The following NNT variants were observed in gnomAD, a reference collection of about 807,000 sequenced individuals.
NNT encodes the protein NAD(P) transhydrogenase, mitochondrial.
A neutral mutation model predicts 104.8 loss-of-function variants in NNT; 50 were observed. The observed-to-expected ratio is 0.48, with a 90% CI of 0.38 to 0.60. The LOEUF (loss-of-function observed/expected upper bound fraction) is 0.60, where lower values mean the gene tolerates loss of function less well. Among genes scored for constraint, NNT ranks in the 20% least tolerant of loss-of-function variants. NNT has a pLI of 0.00. For missense variants in NNT, 1,131 were observed against 1,330.7 expected (o/e 0.85, Z 2.33); for synonymous variants, 461 against 490.4 (o/e 0.94, Z 0.79).
chr5:43,700,768 G>A (rs1027556418), intron 20 of NNT, among the ~76,000 whole-genome samples: 5 of 152,230 alleles, frequency 3.3e-5, no homozygotes, highest in African/African-American at 9.6e-5. Flanking sequence ...GGTAGATGTT[G>A]AATGGTAATG....
intron 7 of NNT, among the ~76,000 whole-genome samples, chr5:43,637,428 T>C (rs1750989834): frequency 6.6e-6 from 1 of 152,210 alleles, no homozygotes; most frequent in African/African-American, 2.4e-5. Flanking sequence ...TTTGAAATGC[T>C]AAAAGAGATT....
intron 21 of NNT, 115 bp from the exon 22 acceptor site, chr5:43,704,140 G>A: frequency 1.3e-6 from 1 of 798,584 alleles, no homozygotes; most frequent in Non-Finnish European, 1.9e-6. Context: ...CTGCACTAAA[G>A]AATTAGTAGT....
At chr5:43,664,280 G>T (rs1420734532) in intron 17 of NNT, among the ~76,000 whole-genome samples, 1 of 152,176 alleles carries the variant, frequency 6.6e-6, no homozygotes, top group Non-Finnish European at 1.5e-5. Context: ...TATCCAGATT[G>T]CCTCAGAAAT....
At chr5:43,662,864 A>G (rs1324875245) in intron 17 of NNT, among the ~76,000 whole-genome samples, 4 of 151,472 alleles carry the variant, frequency 2.6e-5, no homozygotes, top group Admixed American at 2.0e-4. Flanking sequence ...ACTGGACTGC[A>G]GCCTAGGAGA....
intron 17 of NNT, among the ~76,000 whole-genome samples, chr5:43,667,930 GT>G (rs1294310923): frequency 1.3e-5 from 2 of 152,214 alleles, no homozygotes; most frequent in African/African-American, 4.8e-5. Flanking sequence ...ACCAGCACCT[GT>G]TGTTTCCTGA....
rs1741497685 is a variant in NNT at position 43,677,788 on chromosome 5, A to T, written c.2858A>T (p.Glu953Val). The T allele has an allele frequency of 4.3e-6, 7 of 1,613,714 alleles. No homozygotes were observed. Among genetic ancestry groups the T allele is most frequent in the Non-Finnish European group, 5.9e-6 (7 of 1,179,650 alleles). Reference protein sequence around the residue: ...PIADLVKMLTEQGKKVRFGIH... With the variant: ...PIADLVKMLTVQGKKVRFGIH... ...GCTGATTTGGTAAAGATGCTCACTGAGCAAGGCAAAAAAGTCAGGTAAGCG... is the reference window on the plus strand; with the variant it reads ...GCTGATTTGGTAAAGATGCTCACTGTGCAAGGCAAAAAAGTCAGGTAAGCG... The change falls in exon 19 of 22, where the codon GAG becomes GTG. Residue 953 changes from glutamate to valine, a missense_variant. Physicochemically the swap from Glu to Val is moderately radical, Grantham distance 121 (BLOSUM62 -2). Coordinates refer to ENST00000344920, the MANE Select transcript of NNT (RefSeq NM_182977.3).
chr5:43,654,351 T>A (rs1172676948), intron 14 of NNT, among the ~76,000 whole-genome samples: 5 of 152,252 alleles, frequency 3.3e-5, no homozygotes, highest in Admixed American at 2.6e-4. Flanking sequence ...ATGTTAATGA[T>A]GCAGCTTAAA....
chr5:43,615,027 C>T (rs1360050095), intron 3 of NNT, among the ~76,000 whole-genome samples: 3 of 151,670 alleles, frequency 2.0e-5, no homozygotes, highest in Non-Finnish European at 1.5e-5. Flanking sequence ...GTCCCAGCTA[C>T]TCGGGAGGCT....
chr5:43,644,362 T>C, intron 8 of NNT, 37 bp downstream of exon 8: 1 of 1,600,598 alleles, frequency 6.2e-7, no homozygotes, highest in South Asian at 1.1e-5. Flanking sequence ...TGATCACTTC[T>C]CATGTCTTGA....
At chr5:43,678,434 G>A (rs892949931) in intron 19 of NNT, among the ~76,000 whole-genome samples, 11 of 152,198 alleles carry the variant, frequency 7.2e-5, no homozygotes, top group Non-Finnish European at 1.3e-4. Flanking sequence ...TCCTGGATTA[G>A]CGTCAACTCA....
At chr5:43,644,488 T>A in intron 8 of NNT, 123 bp from the exon 9 acceptor site, 1 of 1,110,246 alleles carries the variant, frequency 9.0e-7, no homozygotes, top group Non-Finnish European at 1.3e-6. Flanking sequence ...TTTATGGGTA[T>A]GTATGTATAT....
chr5:43,670,020 G>A (rs1395776795), intron 17 of NNT, among the ~76,000 whole-genome samples: 2 of 152,148 alleles, frequency 1.3e-5, no homozygotes, highest in Non-Finnish European at 2.9e-5. Context: ...GAGGGTGTAT[G>A]TGTCCAGGAA....
At chr5:43,632,853 T>C (rs1580004897) in intron 7 of NNT, among the ~76,000 whole-genome samples, 1 of 152,270 alleles carries the variant, frequency 6.6e-6, no homozygotes, top group East Asian at 1.9e-4. Flanking sequence ...TTAGAGAAAC[T>C]TTTCATAGAC....
intron 17 of NNT, among the ~76,000 whole-genome samples, chr5:43,666,002 G>T (rs564777101): frequency 1.3e-5 from 2 of 151,622 alleles, no homozygotes; most frequent in Non-Finnish European, 2.9e-5. Context: ...ACGGGGCAGC[G>T]GGGCAGAGGC....
At chr5:43,665,219 T>TTA (rs1168907596) in intron 17 of NNT, among the ~76,000 whole-genome samples, 2,355 of 116,796 alleles carry the variant, frequency 0.02, 54 homozygotes, top group African/African-American at 0.087. Context: ...TATTTATTTA[T>TTA]TTATTATTAT....
At position 43,656,223 on chromosome 5, in the gene NNT, C is replaced by G. The variant is rs77331019; in HGVS notation, c.2293+150C>G. ...TTGGGAGGCTGAGGTGGGAGGCTCT[C>G]AAGCCCAGGAGTTCAAGACCAGCCT... On this transcript the variant is annotated intron_variant, in intron 15 of 21. Transcript: ENST00000344920. 15 of 668,372 alleles carry G rather than the reference C, an allele frequency of 2.2e-5. No individual in the cohort carries two copies. In the Admixed American group the frequency reaches 3.8e-4, roughly 17 times the overall value. The allele number at this position is 668,372 out of a possible 1,614,324, so 41.4% of individuals were successfully genotyped here.
intron 19 of NNT, among the ~76,000 whole-genome samples, chr5:43,694,188 G>A (rs1415631713): frequency 6.6e-6 from 1 of 152,188 alleles, no homozygotes; most frequent in African/African-American, 2.4e-5. Flanking sequence ...GGCCAAGACT[G>A]TGGGGTTTGC....
intron 17 of NNT, among the ~76,000 whole-genome samples, chr5:43,671,689 C>T (rs879621090): frequency 2.0e-5 from 3 of 151,988 alleles, no homozygotes; most frequent in Admixed American, 1.3e-4. Context: ...GTGGGTAACC[C>T]GACCTTTCTT....
In NNT at chr5:43,705,201, T is replaced by C. The variant is rs1743052503; in HGVS notation, c.*797T>C. 6.6e-6 allele frequency: 1 copy of C among 152,176 alleles called. No homozygotes were observed. Among genetic ancestry groups the C allele is most frequent in the African/African-American group, 2.4e-5 (1 of 41,446 alleles). 9.4% of individuals were successfully genotyped at this position (152,176 alleles called of 1,614,324 possible). A position where few individuals can be genotyped will look rare whatever the true frequency, so the allele number is the denominator to read the frequency against. Reference sequence around the variant, plus strand: ...AAGTGCACTTGAGTGGAATTCAACATTTGACTAATAAAATGAGTTCATCAT... The same window carrying C: ...AAGTGCACTTGAGTGGAATTCAACACTTGACTAATAAAATGAGTTCATCAT... On this transcript the variant is annotated 3_prime_UTR_variant, in exon 22 of 22. Coordinates refer to ENST00000344920, the MANE Select transcript of NNT (RefSeq NM_182977.3).
Sources: allele counts gnomAD v4.1 joint callset (sites outside exome capture counted in the v4.1 genomes callset), GRCh38; gene constraint gnomAD v4.1.1; transcripts MANE v1.5; gene names NCBI Gene and HGNC (gene_info 2026-07-23, HGNC 2026-07-21).